Variants in PCSK2 observed in about 807,000 individuals in gnomAD.
The protein encoded by PCSK2 is proprotein convertase subtilisin/kexin type 2, also known as neuroendocrine convertase 2.
PCSK2 carries 14 observed loss-of-function variants against 69.7 expected under a neutral mutation model. That is an observed-to-expected ratio of 0.20 (90% confidence interval 0.13 to 0.31). The LOEUF is 0.31. PCSK2 is among the 10% of genes least tolerant of loss of function. The pLI is 1.00. For synonymous variants in PCSK2, 307 were observed against 320.7 expected, an observed-to-expected ratio of 0.96 and a Z score of 0.46; for missense variants, 544 against 842.5, an observed-to-expected ratio of 0.65 and a Z score of 4.39.
intron 5 of PCSK2, among the ~76,000 whole-genome samples, chr20:17,387,109 T>G (rs1427813993): frequency 6.6e-6 from 1 of 152,142 alleles, no homozygotes; most frequent in Non-Finnish European, 1.5e-5. Flanking sequence ...TGCCTCTATA[T>G]TTAGTTACTG....
rs552069212 is a variant in PCSK2, at chr20:17,346,602, A to G, written c.283-11725A>G. ...CTAGCTTTGCTTCTTTACTGCACTT[A>G]CATCTCAGGAGACACTCATTGAGAG... On this transcript the variant is annotated intron_variant, in intron 2 of 11. Coordinates refer to ENST00000262545, the MANE Select transcript of PCSK2 (RefSeq NM_002594.5). 9.2e-5 allele frequency among the ~76,000 whole-genome samples: 14 copies of G among 152,320 alleles called. 1 individual carries two copies. The highest frequency in any genetic ancestry group is 3.4e-4 in the African/African-American group (14 of 41,562).
At chr20:17,321,059 G>A (rs1282892110) in intron 2 of PCSK2, among the ~76,000 whole-genome samples, 1 of 152,114 alleles carries the variant, frequency 6.6e-6, no homozygotes, top group East Asian at 1.9e-4. Flanking sequence ...TGTTGTTGTT[G>A]TTATGCCAAC....
intron 5 of PCSK2, among the ~76,000 whole-genome samples, chr20:17,381,852 G>A (rs1247306366): frequency 6.6e-6 from 1 of 152,170 alleles, no homozygotes; most frequent in African/African-American, 2.4e-5. Flanking sequence ...GTGGAAAGGA[G>A]CCAGTCCCTG....
At chr20:17,244,805 G>A (rs1986711623) in intron 1 of PCSK2, among the ~76,000 whole-genome samples, 1 of 152,152 alleles carries the variant, frequency 6.6e-6, no homozygotes, top group African/African-American at 2.4e-5. Context: ...GATGTCACAG[G>A]TGCCAGGAGG....
intron 1 of PCSK2, among the ~76,000 whole-genome samples, chr20:17,252,023 C>A (rs1476105349): frequency 6.6e-6 from 1 of 152,182 alleles, no homozygotes; most frequent in Non-Finnish European, 1.5e-5. Context: ...AGGAGTTGGA[C>A]TTCTTAAATT....
chr20:17,466,860 G>A (rs1323871752), intron 11 of PCSK2, among the ~76,000 whole-genome samples: 2 of 152,120 alleles, frequency 1.3e-5, no homozygotes, highest in Non-Finnish European at 2.9e-5. Context: ...TTCTCTCTCT[G>A]TAGATTCGTT....
intron 7 of PCSK2, among the ~76,000 whole-genome samples, chr20:17,433,449 C>T (rs989541759): frequency 6.6e-6 from 1 of 152,272 alleles, no homozygotes; most frequent in South Asian, 2.1e-4. Context: ...TGATGAGCAC[C>T]GAAGTTTGTG....
chr20:17,327,321 T>C (rs945173510), intron 2 of PCSK2, among the ~76,000 whole-genome samples: 1 of 152,162 alleles, frequency 6.6e-6, no homozygotes, highest in African/African-American at 2.4e-5. Flanking sequence ...CCAAGAAGTC[T>C]GCTCCCGGTG....
Position 17,431,619 on chromosome 20 carries a change from G to C in PCSK2, c.709+2096G>C, listed in dbSNP as rs540809354. Reference sequence around the variant, plus strand: ...TTCCCACTCCCTTAGCCCCAGCTTGGCTCCCCTGTGACCACGTACGCTGGT... The same window carrying C: ...TTCCCACTCCCTTAGCCCCAGCTTGCCTCCCCTGTGACCACGTACGCTGGT... On this transcript the variant is annotated intron_variant, in intron 7 of 11. Coordinates refer to ENST00000262545, the MANE Select transcript of PCSK2 (RefSeq NM_002594.5). Among the ~76,000 whole-genome samples the C allele has an allele frequency of 6.4e-4, 98 of 152,240 alleles. 4 individuals are homozygous for C. The South Asian group carries it at 0.02, about 31-fold the overall frequency.
chr20:17,415,358 G>A (rs775400269), intron 6 of PCSK2, among the ~76,000 whole-genome samples: 3 of 152,180 alleles, frequency 2.0e-5, no homozygotes, highest in Non-Finnish European at 2.9e-5. Flanking sequence ...AAAAATCAAT[G>A]TGCAAAAATC....
intron 4 of PCSK2, among the ~76,000 whole-genome samples, chr20:17,363,993 T>G (rs1279539870): frequency 1.3e-5 from 2 of 152,126 alleles, no homozygotes; most frequent in Non-Finnish European, 2.9e-5. Flanking sequence ...ACTTTATGAA[T>G]GGGAGCCTCA....
chr20:17,455,490 C>T (rs2032902823), intron 9 of PCSK2, among the ~76,000 whole-genome samples: 1 of 152,202 alleles, frequency 6.6e-6, no homozygotes, highest in Non-Finnish European at 1.5e-5. Flanking sequence ...CTCAACACAT[C>T]TCAGAATCTC....
chr20:17,318,874 A>G (rs561351771), intron 2 of PCSK2, among the ~76,000 whole-genome samples: 48 of 152,066 alleles, frequency 3.2e-4, no homozygotes, highest in African/African-American at 1.1e-3. Context: ...GAGTACACAC[A>G]CAATCAGAAC....
intron 8 of PCSK2, among the ~76,000 whole-genome samples, chr20:17,442,017 C>CAAAAAAA (rs11483753): frequency 1.1e-5 from 1 of 93,484 alleles, no homozygotes; most frequent in Non-Finnish European, 2.1e-5. Flanking sequence ...ATTTAAAAGA[C>CAAAAAAA]AAAAAAAAAA....
intron 2 of PCSK2, among the ~76,000 whole-genome samples, chr20:17,354,944 C>T (rs879604610): frequency 6.6e-6 from 1 of 151,900 alleles, no homozygotes; most frequent in Admixed American, 6.6e-5. Flanking sequence ...CAAGTGAAAG[C>T]ATATATTGTT....
chr20:17,425,018 C>T (rs117753674), intron 6 of PCSK2, among the ~76,000 whole-genome samples: 3,372 of 150,372 alleles, frequency 0.022, 48 homozygotes, highest in South Asian at 0.046. Context: ...TCAAGCAATA[C>T]GCCCACCTTG....
chr20:17,427,333 T>C (rs370845593), intron 6 of PCSK2, among the ~76,000 whole-genome samples: 1 of 152,306 alleles, frequency 6.6e-6, no homozygotes, highest in South Asian at 2.1e-4. Flanking sequence ...ATCACTCTGA[T>C]GGAAAAGCCA....
At chr20:17,396,665 G>A (rs1037983984) in intron 5 of PCSK2, among the ~76,000 whole-genome samples, 2 of 151,814 alleles carry the variant, frequency 1.3e-5, no homozygotes, top group African/African-American at 4.8e-5. Context: ...CCCAAGCTAG[G>A]ATGATACAGT....
At position 17,355,483 on chromosome 20, in the gene PCSK2, C is replaced by G. The variant is rs369072302; in HGVS notation, c.283-2844C>G. On this transcript the variant is annotated intron_variant, in intron 2 of 11. Transcript: ENST00000262545. ...AACCAAAATGGGAAGAGGCAATGGC[C>G]AAAGTGAGACACCTTCTTTCCCAAG... 1.1e-4 allele frequency among the ~76,000 whole-genome samples: 16 copies of G among 152,212 alleles called. 1 individual carries two copies. In the South Asian group the frequency reaches 2.5e-3, roughly 24 times the overall value.
Sources: allele counts gnomAD v4.1 joint callset (sites outside exome capture counted in the v4.1 genomes callset), GRCh38; gene constraint gnomAD v4.1.1; transcripts MANE v1.5; gene names NCBI Gene and HGNC (gene_info 2026-07-23, HGNC 2026-07-21).